TIMM13: variants seen among roughly 807,000 people sequenced by gnomAD.
The protein encoded by TIMM13 is translocase of inner mitochondrial membrane 13.
Under a neutral mutation model 10.9 loss-of-function variants are expected in TIMM13, and 8 were observed. The observed-to-expected ratio is 0.73, with a 90% CI of 0.43 to 1.32. The LOEUF is 1.32. Ranked by LOEUF, TIMM13 falls within the 40% of genes most tolerant of loss-of-function variation. The pLI is 0.01. For synonymous variants in TIMM13, 68 were observed against 52.5 expected (o/e 1.30, Z -1.28); for missense variants, 147 against 132.8 (o/e 1.11, Z -0.53).
Position 2,426,834 on chromosome 19 carries a change from C to CCCAG in TIMM13, c.*110_*113dup, listed in dbSNP as rs1971649855. ...GTGGCGAGGACACAGTCCCGTGTGT[C>CCCAG]CCAGCACCGGTGCCACCCTCCTAAG... is the stretch of plus-strand genomic sequence containing the variant. On this transcript the variant is annotated 3_prime_UTR_variant, in exon 3 of 3. Coordinates refer to ENST00000215570, the MANE Select transcript of TIMM13 (RefSeq NM_012458.4). 2.8e-6 allele frequency: 3 copies of CCCAG among 1,059,354 alleles called. No individual in the cohort carries two copies. Among genetic ancestry groups the CCCAG allele is most frequent in the Non-Finnish European group, 4.2e-6 (3 of 720,298 alleles). The allele number at this position is 1,059,354 out of a possible 1,614,324, so 65.6% of individuals were successfully genotyped here. A position where few individuals can be genotyped will look rare whatever the true frequency, so the allele number is the denominator to read the frequency against.
In TIMM13 at chr19:2,425,798, A is replaced by AT; in HGVS notation, c.*1149dup. On this transcript the variant is annotated 3_prime_UTR_variant, in exon 3 of 3. Coordinates refer to ENST00000215570, the MANE Select transcript of TIMM13 (RefSeq NM_012458.4). Reference sequence around the variant, plus strand: ...TGTCTGCCACCTTTGCATTGAGCCCATTTTCCAGATAGTGAAAATGCGGCT... The same window carrying AT: ...TGTCTGCCACCTTTGCATTGAGCCCATTTTTCCAGATAGTGAAAATGCGGCT... 1 of 1,358,686 alleles carries AT rather than the reference A, an allele frequency of 7.4e-7. No homozygotes were observed. Among genetic ancestry groups the AT allele is most frequent in the Non-Finnish European group, 9.8e-7 (1 of 1,021,916 alleles). The allele number at this position is 1,358,686 out of a possible 1,614,324, so 84.2% of individuals were successfully genotyped here.
Position 2,426,902 on chromosome 19 carries a change from G to T in TIMM13, c.*46C>A. On this transcript the variant is annotated 3_prime_UTR_variant, in exon 3 of 3. Coordinates refer to ENST00000215570, the MANE Select transcript of TIMM13 (RefSeq NM_012458.4). The stretch of plus-strand genomic sequence containing the variant: ...GTACATGCGGACCCCGCCTCTCAAA[G>T]CACGTTTATGGAAATGAACAGGGTG... 1 of 1,538,368 alleles carries T rather than the reference G, an allele frequency of 6.5e-7. No individual in the cohort carries two copies. The highest frequency in any genetic ancestry group is 8.8e-7 in the Non-Finnish European group (1 of 1,136,588).
chr19:2,427,112 C>T (rs1393254549), intron 2 of TIMM13, 66 bp from the exon 3 acceptor site: 6 of 1,580,768 alleles, frequency 3.8e-6, no homozygotes, highest in Non-Finnish European at 5.2e-6. Context: ...GCCCTGACCC[C>T]GGCTCCAGGA....
rs1971648163 is a variant in TIMM13, at chr19:2,426,767, C to G, written c.*181G>C. On this transcript the variant is annotated 3_prime_UTR_variant, in exon 3 of 3. Transcript: ENST00000215570. ...AGGAAGGCACAGGGCCCCACACCCC[C>G]GAGATCCAAGCTGCACTGGCTGGCA... is the stretch of plus-strand genomic sequence containing the variant. 1 of 670,386 alleles carries G rather than the reference C, an allele frequency of 1.5e-6. No homozygotes were observed. The highest frequency in any genetic ancestry group is 2.7e-5 in the East Asian group (1 of 36,660). The allele number at this position is 670,386 out of a possible 1,614,324, so 41.5% of individuals were successfully genotyped here. A position where few individuals can be genotyped will look rare whatever the true frequency, so the allele number is the denominator to read the frequency against.
intron 1 of TIMM13, 25 bp downstream of exon 1, chr19:2,427,389 C>A (rs1371120233): frequency 5.0e-6 from 8 of 1,611,720 alleles, no homozygotes; most frequent in African/African-American, 1.3e-5. Flanking sequence ...TCGCCCCCAG[C>A]GCCCGTCCCC....
chr19:2,427,155 C>A lies in TIMM13; in HGVS notation c.189+101G>T, dbSNP rs574642385. Reference sequence around the variant, plus strand: ...GCTGCAGACTACGCACGTGCAGTGACCACTCCGTCGCACCTCCCCGTTAGT... The same window carrying A: ...GCTGCAGACTACGCACGTGCAGTGAACACTCCGTCGCACCTCCCCGTTAGT... On this transcript the variant is annotated intron_variant, in intron 2 of 2. Transcript: ENST00000215570. 928 of 1,567,910 alleles carry A rather than the reference C, an allele frequency of 5.9e-4. 7 individuals are homozygous for A. In the Middle Eastern group the frequency reaches 8.1e-3, roughly 14 times the overall value.
chr19:2,426,457 T>C lies in TIMM13; in HGVS notation c.*491A>G, dbSNP rs1043578946. ...AGCCCGGTGGCACTAAGGGGAAAGA[T>C]GGACTTCTCCCAACCCAGGGGAGGC... On this transcript the variant is annotated 3_prime_UTR_variant, in exon 3 of 3. Coordinates refer to ENST00000215570, the MANE Select transcript of TIMM13 (RefSeq NM_012458.4). 1.0e-5 allele frequency: 3 copies of C among 288,606 alleles called. No individual in the cohort carries two copies. Among genetic ancestry groups the C allele is most frequent in the South Asian group, 4.2e-5 (1 of 23,892 alleles). 17.9% of individuals were successfully genotyped at this position (288,606 alleles called of 1,614,324 possible).
rs996892122 is a variant in TIMM13 at position 2,426,882 on chromosome 19, T to C, written c.*66A>G. 16 of 1,494,070 alleles carry C rather than the reference T, an allele frequency of 1.1e-5. No individual in the cohort carries two copies. In the African/African-American group the frequency reaches 2.1e-4, roughly 19 times the overall value. The allele number at this position is 1,494,070 out of a possible 1,614,324, so 92.6% of individuals were successfully genotyped here. A position where few individuals can be genotyped will look rare whatever the true frequency, so the allele number is the denominator to read the frequency against. ...AAGCCCCGGGCAGGCAGTACGTACATGCGGACCCCGCCTCTCAAAGCACGT... is the reference window on the plus strand; with the variant it reads ...AAGCCCCGGGCAGGCAGTACGTACACGCGGACCCCGCCTCTCAAAGCACGT... On this transcript the variant is annotated 3_prime_UTR_variant, in exon 3 of 3. Transcript: ENST00000215570.
At position 2,427,512 on chromosome 19, in the gene TIMM13, C is replaced by G; in HGVS notation, c.22G>C (p.Asp8His). The change falls in exon 1 of 3, where the codon GAT (aspartate) becomes CAT (histidine). Residue 8 changes from aspartate (D) to histidine (H), a missense_variant. Asp to His is a moderately conservative substitution (Grantham distance 81). Transcript: ENST00000215570. MEGGFGS[D>H]FGGSGSGKLD... ...TTCCCGCTGCCGGAGCCCCCGAAATCGGAGCCGAAGCCGCCCTCCATGGCT... is the reference window on the plus strand; with the variant it reads ...TTCCCGCTGCCGGAGCCCCCGAAATGGGAGCCGAAGCCGCCCTCCATGGCT... 4 of 1,608,958 alleles carry G rather than the reference C, an allele frequency of 2.5e-6. No homozygotes were observed. The highest frequency in any genetic ancestry group is 3.4e-6 in the Non-Finnish European group (4 of 1,178,262).
rs1261939903 is a variant in TIMM13, at chr19:2,425,625, CCT to C, written c.*1321_*1322del. 3 of 1,372,280 alleles carry C rather than the reference CCT, an allele frequency of 2.2e-6. No individual in the cohort carries two copies. The highest frequency in any genetic ancestry group is 2.8e-6 in the Non-Finnish European group (3 of 1,063,882). The allele number at this position is 1,372,280 out of a possible 1,614,324, so 85.0% of individuals were successfully genotyped here. On this transcript the variant is annotated 3_prime_UTR_variant, in exon 3 of 3. Transcript: ENST00000215570. The stretch of plus-strand genomic sequence containing the variant: ...CTTCTCCAGCGGATCAAGCAGGGAG[CCT>C]TTTTGGCTCTGGAGGAATTTCCACT...
chr19:2,427,298 C>A lies in TIMM13; in HGVS notation c.147G>T (p.Lys49Asn), dbSNP rs780139718. The A allele has an allele frequency of 6.2e-7, 1 of 1,613,540 alleles. No individual in the cohort carries two copies. Among genetic ancestry groups the A allele is most frequent in the Non-Finnish European group, 8.5e-7 (1 of 1,179,838 alleles). ...LQRMTDKCFRKCIGKPGGSLD... is the reference protein window; with the variant it reads ...LQRMTDKCFRNCIGKPGGSLD... Reference sequence around the variant, plus strand: ...GGGAGCCCCCAGGTTTCCCTATACACTTCCGGAAACACTTGTCCGTCATCC... The same window carrying A: ...GGGAGCCCCCAGGTTTCCCTATACAATTCCGGAAACACTTGTCCGTCATCC... The change falls in exon 2 of 3, where the codon AAG becomes AAT. Residue 49 changes from lysine (K) to asparagine (N), a missense_variant. By Grantham distance (94) the Lys-to-Asn change is moderately conservative. Transcript: ENST00000215570.
rs981303714 is a variant in TIMM13, at chr19:2,425,858, G to A, written c.*1090C>T. 1.6e-4 allele frequency: 239 copies of A among 1,507,996 alleles called. No homozygotes were observed. Among genetic ancestry groups the A allele is most frequent in the African/African-American group, 1.8e-4 (13 of 70,880 alleles). The allele number at this position is 1,507,996 out of a possible 1,614,324, so 93.4% of individuals were successfully genotyped here. A position where few individuals can be genotyped will look rare whatever the true frequency, so the allele number is the denominator to read the frequency against. ...AGTCACTAGGGTCACTCCTAGAGGG[G>A]CCAATGACCCAAGGGCTGCTGTAGG... On this transcript the variant is annotated 3_prime_UTR_variant, in exon 3 of 3. Transcript: ENST00000215570.
rs371296678 is a variant in TIMM13, at chr19:2,426,922, A to G, written c.*26T>C. The G allele has an allele frequency of 6.4e-7, 1 of 1,560,714 alleles. No homozygotes were observed. Among genetic ancestry groups the G allele is most frequent in the Non-Finnish European group, 8.7e-7 (1 of 1,152,604 alleles). On this transcript the variant is annotated 3_prime_UTR_variant, in exon 3 of 3. Transcript: ENST00000215570. ...TCAAAGCACGTTTATGGAAATGAAC[A>G]GGGTGGGGTGGCCCGCGCTCGCCGG...
Position 2,425,671 on chromosome 19 carries a change from C to A in TIMM13, c.*1277G>T. ...TTCCACTCCACAGCCGTTTATTGGGCAACCCACCGCATCCCATCCCCGGGC... is the reference window on the plus strand; with the variant it reads ...TTCCACTCCACAGCCGTTTATTGGGAAACCCACCGCATCCCATCCCCGGGC... On this transcript the variant is annotated 3_prime_UTR_variant, in exon 3 of 3. Transcript: ENST00000215570. 1 of 1,275,206 alleles carries A rather than the reference C, an allele frequency of 7.8e-7. No individual in the cohort carries two copies. Among genetic ancestry groups the A allele is most frequent in the Non-Finnish European group, 1.0e-6 (1 of 975,774 alleles). The allele number at this position is 1,275,206 out of a possible 1,614,324, so 79.0% of individuals were successfully genotyped here.
Position 2,426,340 on chromosome 19 carries a change from C to T in TIMM13, c.*608G>A, listed in dbSNP as rs114695632. On this transcript the variant is annotated 3_prime_UTR_variant, in exon 3 of 3. Transcript: ENST00000215570. ...CACCAGGACCCGGGGTGGAACGAAG[C>T]AGGGTCAAAGCAAGCCCTGACAAGG... 5.6e-3 allele frequency: 2,652 copies of T among 473,152 alleles called. 65 individuals carry two copies. The highest frequency in any genetic ancestry group is 0.05 in the African/African-American group (2,427 of 48,486). 29.3% of individuals were successfully genotyped at this position (473,152 alleles called of 1,614,324 possible).
Position 2,427,572 on chromosome 19 carries a change from G to T in TIMM13, c.-39C>A. Reference sequence around the variant, plus strand: ...CAACCGGACCGAGGCCGCGTGCGCCGACTCGTAACTAACTGCGCCGGAAGC... The same window carrying T: ...CAACCGGACCGAGGCCGCGTGCGCCTACTCGTAACTAACTGCGCCGGAAGC... On this transcript the variant is annotated 5_prime_UTR_variant, in exon 1 of 3. Transcript: ENST00000215570. The T allele has an allele frequency of 1.3e-6, 2 of 1,561,424 alleles. No homozygotes were observed. The highest frequency in any genetic ancestry group is 1.7e-6 in the Non-Finnish European group (2 of 1,155,052).
At position 2,426,158 on chromosome 19, in the gene TIMM13, A is replaced by C. The variant is rs1599324642; in HGVS notation, c.*790T>G. The C allele has an allele frequency of 4.6e-6, 6 of 1,309,564 alleles. No individual in the cohort carries two copies. Among genetic ancestry groups the C allele is most frequent in the South Asian group, 3.0e-5 (2 of 65,700 alleles). The allele number at this position is 1,309,564 out of a possible 1,614,324, so 81.1% of individuals were successfully genotyped here. ...GGAGCAGCAGGCCACCCAACACCCC[A>C]CCCCACCGTACCCTACCCAAGGACG... On this transcript the variant is annotated 3_prime_UTR_variant, in exon 3 of 3. Coordinates refer to ENST00000215570, the MANE Select transcript of TIMM13 (RefSeq NM_012458.4).
In TIMM13 at chr19:2,425,931, A is replaced by G; in HGVS notation, c.*1017T>C. ...CCTTTCTTCTCTCCCCAACAGGGTG[A>G]CGCTGGGGGACCCCTGGCCTGCAGG... is the stretch of plus-strand genomic sequence containing the variant. On this transcript the variant is annotated 3_prime_UTR_variant, in exon 3 of 3. Coordinates refer to ENST00000215570, the MANE Select transcript of TIMM13 (RefSeq NM_012458.4). The G allele has an allele frequency of 1.9e-6, 3 of 1,593,090 alleles. No homozygotes were observed. Among genetic ancestry groups the G allele is most frequent in the Non-Finnish European group, 2.6e-6 (3 of 1,173,368 alleles).
In TIMM13 at chr19:2,426,748, G is replaced by C. The variant is rs1430940500; in HGVS notation, c.*200C>G. On this transcript the variant is annotated 3_prime_UTR_variant, in exon 3 of 3. Coordinates refer to ENST00000215570, the MANE Select transcript of TIMM13 (RefSeq NM_012458.4). ...ACTGGGCTGCCAGCACTTCAGGAAGGCACAGGGCCCCACACCCCCGAGATC... is the reference window on the plus strand; with the variant it reads ...ACTGGGCTGCCAGCACTTCAGGAAGCCACAGGGCCCCACACCCCCGAGATC... The C allele has an allele frequency of 1.6e-6, 1 of 625,936 alleles. No individual in the cohort carries two copies. Among genetic ancestry groups the C allele is most frequent in the Non-Finnish European group, 2.9e-6 (1 of 350,754 alleles). 38.8% of individuals were successfully genotyped at this position (625,936 alleles called of 1,614,324 possible). A position where few individuals can be genotyped will look rare whatever the true frequency, so the allele number is the denominator to read the frequency against.
Sources: allele counts gnomAD v4.1 joint callset, GRCh38; gene constraint gnomAD v4.1.1; transcripts MANE v1.5; gene names NCBI Gene and HGNC (gene_info 2026-07-23, HGNC 2026-07-21).